KSR1: variants seen among roughly 807,000 people sequenced by gnomAD.
The protein encoded by KSR1 is kinase suppressor of ras 1, also known as kinase suppressor of ras.
A neutral mutation model predicts 92.9 loss-of-function variants in KSR1; 35 were observed. The ratio of observed to expected loss-of-function variants is 0.38; its 90% CI spans 0.29 to 0.50. The LOEUF is 0.50. KSR1 is among the 20% of genes least tolerant of loss of function. The pLI is 0.94. For missense variants in KSR1, 972 were observed against 1,158.5 expected (o/e 0.84, Z 2.34); for synonymous variants, 467 against 472.6 (o/e 0.99, Z 0.15).
chr17:27,475,494 C>T (rs139709965), intron 1 of KSR1, among the ~76,000 whole-genome samples: 155 of 152,322 alleles, frequency 1.0e-3, no homozygotes, highest in Non-Finnish European at 1.1e-3. Context: ...GGCTGAGGCT[C>T]TGCCACTCAC....
rs767566022 is a variant in KSR1 at position 27,611,497 on chromosome 17, T to C, written c.2361T>C (p.Thr787=). 3 of 1,613,660 alleles carry C rather than the reference T, an allele frequency of 1.9e-6. No individual in the cohort carries two copies. Among genetic ancestry groups the C allele is most frequent in the Admixed American group, 3.3e-5 (2 of 59,986 alleles). The change falls in exon 18 of 21, where the codon ACT becomes ACC. Residue 787 remains threonine, a synonymous_variant. Transcript: ENST00000644974. Reference sequence around the variant, plus strand: ...AGACATGGCTGGGTCTCTGCAGGACTGTTTGGTATGAGCTGCAAGCAAGAG... The same window carrying C: ...AGACATGGCTGGGTCTCTGCAGGACCGTTTGGTATGAGCTGCAAGCAAGAG... ...SKAADVYAFG[T]VWYELQARDW... is the part of the protein sequence containing the mutation.
chr17:27,518,899 G>A (rs2069907588), intron 1 of KSR1, among the ~76,000 whole-genome samples: 1 of 152,134 alleles, frequency 6.6e-6, no homozygotes, highest in African/African-American at 2.4e-5. Flanking sequence ...TGCACTGGCT[G>A]GTTCCTGGAG....
chr17:27,600,561 T>A (rs1433124895), intron 10 of KSR1, among the ~76,000 whole-genome samples: 1 of 152,216 alleles, frequency 6.6e-6, no homozygotes, highest in Non-Finnish European at 1.5e-5. Flanking sequence ...CCGTGCATAA[T>A]CGTGCGTGCC....
chr17:27,546,429 T>G (rs1223119448), intron 1 of KSR1, among the ~76,000 whole-genome samples: 1 of 152,210 alleles, frequency 6.6e-6, no homozygotes, highest in African/African-American at 2.4e-5. Context: ...TATGGTGGAT[T>G]TGAACCCAGA....
At chr17:27,476,059 T>C (rs948278551) in intron 1 of KSR1, among the ~76,000 whole-genome samples, 1 of 152,218 alleles carries the variant, frequency 6.6e-6, no homozygotes, top group Non-Finnish European at 1.5e-5. Context: ...CATTCCTTCA[T>C]TTATTAAAGT....
chr17:27,478,465 C>T (rs1026938741), intron 1 of KSR1, among the ~76,000 whole-genome samples: 4 of 152,134 alleles, frequency 2.6e-5, no homozygotes, highest in Admixed American at 1.3e-4. Flanking sequence ...TTTTGCATGA[C>T]GTCACCACAT....
chr17:27,464,715 A>AAG (rs1024597135), intron 1 of KSR1, among the ~76,000 whole-genome samples: 8 of 151,756 alleles, frequency 5.3e-5, no homozygotes, highest in Admixed American at 1.3e-4. Flanking sequence ...CAAAAAAAAA[A>AAG]AAAACCAGCA....
At chr17:27,561,610 C>T (rs2071832030) in intron 2 of KSR1, among the ~76,000 whole-genome samples, 1 of 152,220 alleles carries the variant, frequency 6.6e-6, no homozygotes, top group African/African-American at 2.4e-5. Context: ...TTCACTCACT[C>T]AGTGTGTATT....
At chr17:27,478,989 C>T (rs954140190) in intron 1 of KSR1, among the ~76,000 whole-genome samples, 13 of 150,112 alleles carry the variant, frequency 8.7e-5, no homozygotes, top group Middle Eastern at 3.3e-3. Context: ...CTCCTCCCTA[C>T]GTCCATGCTC....
chr17:27,620,558 G>A (rs1459983997), intron 19 of KSR1, among the ~76,000 whole-genome samples: 1 of 152,196 alleles, frequency 6.6e-6, no homozygotes, highest in African/African-American at 2.4e-5. Flanking sequence ...AAGCCCAGAT[G>A]GGGGCCTCTG....
intron 15 of KSR1, 119 bp from the exon 16 acceptor site, chr17:27,609,077 G>A (rs915291042): frequency 2.5e-6 from 3 of 1,185,516 alleles, no homozygotes; most frequent in Non-Finnish European, 3.5e-6. Context: ...TGTAAAATGG[G>A]GACAATATAC....
chr17:27,487,498 C>T (rs947283133), intron 1 of KSR1, among the ~76,000 whole-genome samples: 5 of 148,890 alleles, frequency 3.4e-5, no homozygotes, highest in African/African-American at 1.2e-4. Context: ...CCTGTAATCC[C>T]AGCACTTTGG....
In KSR1 at chr17:27,478,542, C is replaced by T. The variant is rs149610179; in HGVS notation, c.231+21668C>T. ...GGAGTAGGGCTTTGTGCCCAGTAAG[C>T]GCTTGATAAACATGAGCTGTCCATT... On this transcript the variant is annotated intron_variant, in intron 1 of 20. Coordinates refer to ENST00000644974, the MANE Select transcript of KSR1 (RefSeq NM_001394583.1). 1.9e-3 allele frequency among the ~76,000 whole-genome samples: 289 copies of T among 152,184 alleles called. 1 individual carries two copies. The highest frequency in any genetic ancestry group is 6.7e-3 in the African/African-American group (279 of 41,510).
intron 16 of KSR1, chr17:27,609,795 A>G (rs1456959519): frequency 2.6e-6 from 1 of 392,088 alleles, no homozygotes; most frequent in East Asian, 5.1e-5. Flanking sequence ...ATTCTCCAGC[A>G]GAGGGAGCTG....
At chr17:27,597,720 C>T (rs749310650) in intron 10 of KSR1, among the ~76,000 whole-genome samples, 2 of 152,094 alleles carry the variant, frequency 1.3e-5, no homozygotes, top group African/African-American at 2.4e-5. Context: ...ATAACATAAT[C>T]CTCGCACTGC....
At position 27,623,660 on chromosome 17, in the gene KSR1, T is replaced by G. The variant is rs1223238083; in HGVS notation, c.*268T>G. 3.3e-6 allele frequency: 2 copies of G among 600,032 alleles called. No individual in the cohort carries two copies. Among genetic ancestry groups the G allele is most frequent in the Non-Finnish European group, 5.8e-6 (2 of 341,984 alleles). 37.2% of individuals were successfully genotyped at this position (600,032 alleles called of 1,614,324 possible). On this transcript the variant is annotated 3_prime_UTR_variant, in exon 21 of 21. Coordinates refer to ENST00000644974, the MANE Select transcript of KSR1 (RefSeq NM_001394583.1). ...ATTTCTCCTGAGTGAACCTGATGTT[T>G]TACAATAGGTAATAATAAAAACAGT...
At chr17:27,539,015 C>G (rs1254657589) in intron 1 of KSR1, among the ~76,000 whole-genome samples, 1 of 152,194 alleles carries the variant, frequency 6.6e-6, no homozygotes, top group Non-Finnish European at 1.5e-5. Flanking sequence ...CCTTCCCCAT[C>G]CCTCCCTTCC....
intron 1 of KSR1, among the ~76,000 whole-genome samples, chr17:27,506,812 C>G (rs116079913): frequency 1.3e-5 from 2 of 151,918 alleles, no homozygotes; most frequent in Non-Finnish European, 2.9e-5. Context: ...TGAGGAAGAC[C>G]GAGGGGAAAG....
chr17:27,551,408 C>T (rs2071391618), intron 2 of KSR1, among the ~76,000 whole-genome samples: 1 of 152,000 alleles, frequency 6.6e-6, no homozygotes, highest in Admixed American at 6.5e-5. Flanking sequence ...CTCATAAATC[C>T]CCTACTTCTA....
Sources: allele counts gnomAD v4.1 joint callset (sites outside exome capture counted in the v4.1 genomes callset), GRCh38; gene constraint gnomAD v4.1.1; transcripts MANE v1.5; gene names NCBI Gene and HGNC (gene_info 2026-07-23, HGNC 2026-07-21).